The following TRIM38 variants were observed in gnomAD, a reference collection of about 807,000 sequenced individuals.
TRIM38 encodes the protein tripartite motif containing 38, also known as E3 ubiquitin-protein ligase TRIM38.
Under a neutral mutation model 35.8 loss-of-function variants are expected in TRIM38, and 35 were observed. The ratio of observed to expected loss-of-function variants is 0.98; its 90% confidence interval spans 0.75 to 1.30. The LOEUF is 1.30. Ranked by LOEUF, TRIM38 falls within the 50% of genes most tolerant of loss-of-function variation. The pLI is 0.00. For missense variants in TRIM38, 545 were observed against 556.9 expected, an observed-to-expected ratio of 0.98 and a Z score of 0.21; for synonymous variants, 198 against 204.7, an observed-to-expected ratio of 0.97 and a Z score of 0.28.
chr6:25,976,031 A>G (rs1176860682), intron 7 of TRIM38, among the ~76,000 whole-genome samples: 1 of 152,244 alleles, frequency 6.6e-6, no homozygotes, highest in Non-Finnish European at 1.5e-5. Flanking sequence ...TGACTCACAT[A>G]TACTGAGCAC....
In TRIM38 at chr6:25,987,031, T is replaced by C. The variant is rs1243777056; in HGVS notation, c.*3344T>C. The C allele has an allele frequency of 1.5e-4, 23 of 152,156 alleles. 1 individual carries two copies. Among genetic ancestry groups the C allele is most frequent in the Admixed American group, 1.5e-3 (23 of 15,272 alleles). The allele number at this position is 152,156 out of a possible 1,614,324, so 9.4% of individuals were successfully genotyped here. A position where few individuals can be genotyped will look rare whatever the true frequency, so the allele number is the denominator to read the frequency against. On this transcript the variant is annotated 3_prime_UTR_variant, in exon 8 of 8. Coordinates refer to ENST00000357085, the MANE Select transcript of TRIM38 (RefSeq NM_006355.5). ...AGAAGTCAGAAAGATTAGCTTTTTTTCCAGGGTAGTTGGCTGAAAATCAGG... is the reference window on the plus strand; with the variant it reads ...AGAAGTCAGAAAGATTAGCTTTTTTCCCAGGGTAGTTGGCTGAAAATCAGG...
Position 25,987,108 on chromosome 6 carries a change from C to T in TRIM38, c.*3421C>T, listed in dbSNP as rs1421177902. 1 of 151,888 alleles carries T rather than the reference C, an allele frequency of 6.6e-6. No homozygotes were observed. The highest frequency in any genetic ancestry group is 1.9e-4 in the East Asian group (1 of 5,184). 9.4% of individuals were successfully genotyped at this position (151,888 alleles called of 1,614,324 possible). A position where few individuals can be genotyped will look rare whatever the true frequency, so the allele number is the denominator to read the frequency against. ...GGACATCGAATAGATGACCAACAAT[C>T]TCCTTCACACTCATACTATTTAAAC... On this transcript the variant is annotated 3_prime_UTR_variant, in exon 8 of 8. Transcript: ENST00000357085.
rs1760633655 is a variant in TRIM38 at position 25,983,625 on chromosome 6, C to T, written c.1336C>T (p.Leu446Phe). 6.2e-7 allele frequency: 1 copy of T among 1,613,172 alleles called. No individual in the cohort carries two copies. The highest frequency in any genetic ancestry group is 1.3e-5 in the African/African-American group (1 of 74,818). The change falls in exon 8 of 8, where the codon CTC (leucine) becomes TTC (phenylalanine). Residue 446 changes from leucine (L) to phenylalanine (F), a missense_variant. Transcript: ENST00000357085. ...CCCGAAGGCTTCCTTCTCTGATACT[C>T]TCCGGCCCTATTTCCAGGTTTATCA... The part of the protein sequence containing the change: ...TFPKASFSDT[L>F]RPYFQVYQYS...
rs1760659947 is a variant in TRIM38, at chr6:25,984,528, A to G, written c.*841A>G. The stretch of plus-strand genomic sequence containing the variant: ...GGACTACAACTAAAACATAAACAAC[A>G]TTAATGATGACCATAAAAAGTCACA... On this transcript the variant is annotated 3_prime_UTR_variant, in exon 8 of 8. Coordinates refer to ENST00000357085, the MANE Select transcript of TRIM38 (RefSeq NM_006355.5). 6.6e-6 allele frequency: 1 copy of G among 152,268 alleles called. No homozygotes were observed. The highest frequency in any genetic ancestry group is 2.4e-5 in the African/African-American group (1 of 41,454). 9.4% of individuals were successfully genotyped at this position (152,268 alleles called of 1,614,324 possible).
Position 25,990,108 on chromosome 6 carries a change from C to T in TRIM38, c.*6421C>T, listed in dbSNP as rs973251104. On this transcript the variant is annotated 3_prime_UTR_variant, in exon 8 of 8. Coordinates refer to ENST00000357085, the MANE Select transcript of TRIM38 (RefSeq NM_006355.5). The stretch of plus-strand genomic sequence containing the variant: ...GCTCAAACAATCCTCCCTCCTTGGC[C>T]TTCCAAAGGGTTGGATATGTTTTAT... The T allele has an allele frequency of 1.3e-5, 2 of 151,806 alleles. No individual in the cohort carries two copies. Among genetic ancestry groups the T allele is most frequent in the African/African-American group, 4.8e-5 (2 of 41,316 alleles). 9.4% of individuals were successfully genotyped at this position (151,806 alleles called of 1,614,324 possible). A position where few individuals can be genotyped will look rare whatever the true frequency, so the allele number is the denominator to read the frequency against.
intron 7 of TRIM38, among the ~76,000 whole-genome samples, chr6:25,977,900 A>G (rs1181491284): frequency 1.3e-5 from 2 of 151,906 alleles, no homozygotes; most frequent in African/African-American, 4.8e-5. Context: ...CTCATTGGAG[A>G]CCTTCTTTTC....
At chr6:25,977,757 A>T (rs2113609920) in intron 7 of TRIM38, among the ~76,000 whole-genome samples, 1 of 152,192 alleles carries the variant, frequency 6.6e-6, no homozygotes, top group African/African-American at 2.4e-5. Context: ...GGGACAAAAA[A>T]ATTTAGCTGT....
At chr6:25,975,748 C>T (rs1489402534) in intron 7 of TRIM38, 21 of 932,754 alleles carry the variant, frequency 2.3e-5, no homozygotes, top group South Asian at 4.9e-5. Flanking sequence ...CTATGTTACT[C>T]GTTACTTTTT....
Position 25,971,933 on chromosome 6 carries a change from A to G in TRIM38, c.572A>G (p.His191Arg). 1 of 1,614,208 alleles carries G rather than the reference A, an allele frequency of 6.2e-7. No homozygotes were observed. The change falls in exon 5 of 8, where the codon CAT (histidine) becomes CGT (arginine). Residue 191 changes from histidine (H) to arginine (R), a missense_variant. Transcript: ENST00000357085. ...SDFKNLQCFL[H>R]EEEKSYLWRL... ...TTTAAGAATCTCCAGTGTTTCCTAC[A>G]TGAGGAAGAGAAGTCTTATCTCTGG...
chr6:25,964,284 T>G (rs1172932560), intron 2 of TRIM38, among the ~76,000 whole-genome samples: 1 of 152,202 alleles, frequency 6.6e-6, no homozygotes, highest in Non-Finnish European at 1.5e-5. Context: ...GTATGTATAC[T>G]GTATAAATAT....
At chr6:25,979,619 A>C (rs1760489401) in intron 7 of TRIM38, among the ~76,000 whole-genome samples, 1 of 151,654 alleles carries the variant, frequency 6.6e-6, no homozygotes, top group Non-Finnish European at 1.5e-5. Flanking sequence ...TATTTTATTA[A>C]ATTTCTTTTA....
rs751872864 is a variant in TRIM38, at chr6:25,987,211, C to CA, written c.*3524_*3525insA. On this transcript the variant is annotated 3_prime_UTR_variant, in exon 8 of 8. Transcript: ENST00000357085. Reference sequence around the variant, plus strand: ...GCTTAACAAAGGTACTCCCCGCCCCCCGCCCGCCACACACCATCCCCAAAA... The same window carrying CA: ...GCTTAACAAAGGTACTCCCCGCCCCCACGCCCGCCACACACCATCCCCAAAA... 1.4e-5 allele frequency: 2 copies of CA among 138,382 alleles called. No homozygotes were observed. The highest frequency in any genetic ancestry group is 2.5e-4 in the South Asian group (1 of 3,988). The allele number at this position is 138,382 out of a possible 1,614,324, so 8.6% of individuals were successfully genotyped here.
At chr6:25,974,837 C>T in intron 7 of TRIM38, 2 of 940,308 alleles carry the variant, frequency 2.1e-6, no homozygotes, top group Non-Finnish European at 1.3e-6. Flanking sequence ...GACCTGTGTT[C>T]CCCTCAAATA....
At chr6:25,964,687 C>T (rs1252327297) in intron 2 of TRIM38, among the ~76,000 whole-genome samples, 1 of 152,138 alleles carries the variant, frequency 6.6e-6, no homozygotes, top group Non-Finnish European at 1.5e-5. Flanking sequence ...ATTCAAAATA[C>T]TCATTATACC....
At chr6:25,972,646 TCA>T (rs1301462860) in intron 5 of TRIM38, among the ~76,000 whole-genome samples, 4 of 152,206 alleles carry the variant, frequency 2.6e-5, no homozygotes, top group Non-Finnish European at 5.9e-5. Context: ...TGGCCCAGTC[TCA>T]GGGCTGTGCA....
In TRIM38 at chr6:25,986,521, A is replaced by G. The variant is rs1760712443; in HGVS notation, c.*2834A>G. 6.6e-6 allele frequency: 1 copy of G among 152,136 alleles called. No homozygotes were observed. The highest frequency in any genetic ancestry group is 6.5e-5 in the Admixed American group (1 of 15,268). The allele number at this position is 152,136 out of a possible 1,614,324, so 9.4% of individuals were successfully genotyped here. Reference sequence around the variant, plus strand: ...AGAGCAAGACCTTGTCTCAAAAAAAAAAAAAAAAAAAGTTACAGAGCTCCA... The same window carrying G: ...AGAGCAAGACCTTGTCTCAAAAAAAGAAAAAAAAAAAGTTACAGAGCTCCA... On this transcript the variant is annotated 3_prime_UTR_variant, in exon 8 of 8. Transcript: ENST00000357085.
chr6:25,983,853 A>G lies in TRIM38; in HGVS notation c.*166A>G. 1.6e-6 allele frequency: 1 copy of G among 635,608 alleles called. No homozygotes were observed. Among genetic ancestry groups the G allele is most frequent in the East Asian group, 2.9e-5 (1 of 34,210 alleles). 39.4% of individuals were successfully genotyped at this position (635,608 alleles called of 1,614,324 possible). A position where few individuals can be genotyped will look rare whatever the true frequency, so the allele number is the denominator to read the frequency against. Reference sequence around the variant, plus strand: ...TGATTTATGTTGAATATATGGACTTAGCAACTAAAAATACCACAGATGGTT... The same window carrying G: ...TGATTTATGTTGAATATATGGACTTGGCAACTAAAAATACCACAGATGGTT... On this transcript the variant is annotated 3_prime_UTR_variant, in exon 8 of 8. Transcript: ENST00000357085.
intron 7 of TRIM38, among the ~76,000 whole-genome samples, chr6:25,977,115 T>A (rs1760418146): frequency 6.6e-6 from 1 of 152,252 alleles, no homozygotes; most frequent in South Asian, 2.1e-4. Flanking sequence ...TTCATCCTGT[T>A]TTTTGATAAA....
chr6:25,987,860 A>C lies in TRIM38; in HGVS notation c.*4173A>C, dbSNP rs1760756047. The C allele has an allele frequency of 1.3e-5, 2 of 152,102 alleles. No individual in the cohort carries two copies. The highest frequency in any genetic ancestry group is 2.9e-5 in the Non-Finnish European group (2 of 68,006). 9.4% of individuals were successfully genotyped at this position (152,102 alleles called of 1,614,324 possible). ...CCTTTTCAACACTTCCTGTCACCCAATTTCTATCAACTAATCTTTTGACTG... is the reference window on the plus strand; with the variant it reads ...CCTTTTCAACACTTCCTGTCACCCACTTTCTATCAACTAATCTTTTGACTG... On this transcript the variant is annotated 3_prime_UTR_variant, in exon 8 of 8. Coordinates refer to ENST00000357085, the MANE Select transcript of TRIM38 (RefSeq NM_006355.5).
Sources: gnomAD v4.1 joint callset for allele counts (sites outside exome capture counted in the v4.1 genomes callset) on GRCh38, gnomAD v4.1.1 for gene constraint, MANE v1.5 for transcripts, NCBI Gene and HGNC (gene_info 2026-07-23, HGNC 2026-07-21) for gene names.